The following CRYBG3 variants were observed in gnomAD, a reference collection of about 807,000 sequenced individuals.
The protein encoded by CRYBG3 is crystallin beta-gamma domain containing 3, also known as very large A-kinase anchor protein.
CRYBG3 carries 127 observed loss-of-function variants against 244.2 expected under a neutral mutation model. The ratio of observed to expected loss-of-function variants is 0.52; its 90% confidence interval spans 0.45 to 0.60. The LOEUF (loss-of-function observed/expected upper bound fraction) is 0.60, where lower values mean the gene tolerates loss of function less well. CRYBG3 is among the 20% of genes least tolerant of loss of function. CRYBG3 has a pLI of 0.00. For missense variants in CRYBG3, 3,325 were observed against 3,442.5 expected, an observed-to-expected ratio of 0.97 and a Z score of 0.85; for synonymous variants, 1,132 against 1,195.8, an observed-to-expected ratio of 0.95 and a Z score of 1.10.
chr3:97,943,335 A>G lies in CRYBG3; in HGVS notation c.*21A>G. On this transcript the variant is annotated 3_prime_UTR_variant, in exon 22 of 22. Transcript: ENST00000389622. ...TGTGAGAGAATCAACATCCCTAGAA[A>G]GATCCCTAGAAAGAGCAAAGAAGGA... The G allele has an allele frequency of 7.3e-7, 1 of 1,368,798 alleles. No homozygotes were observed. Among genetic ancestry groups the G allele is most frequent in the South Asian group, 1.2e-5 (1 of 84,320 alleles). 84.8% of individuals were successfully genotyped at this position (1,368,798 alleles called of 1,614,324 possible).
At position 97,881,355 on chromosome 3, in the gene CRYBG3, C is replaced by A. The variant is rs115907705; in HGVS notation, c.7152+136C>A. 2,266 of 555,402 alleles carry A rather than the reference C, an allele frequency of 4.1e-3. 29 individuals carry two copies. Among genetic ancestry groups the A allele is most frequent in the African/African-American group, 0.04 (2,015 of 50,894 alleles). 34.4% of individuals were successfully genotyped at this position (555,402 alleles called of 1,614,324 possible). On this transcript the variant is annotated intron_variant, in intron 7 of 21. Transcript: ENST00000389622. The stretch of plus-strand genomic sequence containing the variant: ...TAATCTTCATTACCATATTGATAAT[C>A]TTTTGAATTTATGCAAATAGAGTGA...
At chr3:97,892,718 C>A (rs2039594414) in intron 10 of CRYBG3, 142 bp from the exon 11 acceptor site, 3 of 499,504 alleles carry the variant, frequency 6.0e-6, no homozygotes, top group African/African-American at 2.0e-5. Context: ...TTGTAATACA[C>A]CTTTTCCATG....
rs1371358785 is a variant in CRYBG3, at chr3:97,822,271, G to A, written c.65G>A (p.Arg22Gln). The stretch of plus-strand genomic sequence containing the variant: ...AGCTTCTCCCGGTTCTTCGCTCCCC[G>A]AAGTCCTTCCCGGGACAAGGAAGAG... Reference protein sequence around the residue: ...WHSFSRFFAPRSPSRDKEEEE... With the variant: ...WHSFSRFFAPQSPSRDKEEEE... The change falls in exon 1 of 22, where the codon CGA becomes CAA. Residue 22 changes from arginine to glutamine, a missense_variant. Physicochemically the swap from Arg to Gln is conservative, Grantham distance 43. Transcript: ENST00000389622. The A allele has an allele frequency of 6.5e-7, 1 of 1,530,838 alleles. No homozygotes were observed. The highest frequency in any genetic ancestry group is 8.7e-7 in the Non-Finnish European group (1 of 1,144,750). 94.8% of individuals were successfully genotyped at this position (1,530,838 alleles called of 1,614,324 possible). A position where few individuals can be genotyped will look rare whatever the true frequency, so the allele number is the denominator to read the frequency against.
chr3:97,900,553 A>G (rs945444887), intron 15 of CRYBG3, 68 bp downstream of exon 15: 8 of 986,612 alleles, frequency 8.1e-6, no homozygotes, highest in Non-Finnish European at 1.1e-5. Flanking sequence ...TTTCTCTCAA[A>G]TCTTTCTCTT....
chr3:97,845,692 T>C (rs1438185920), intron 2 of CRYBG3, among the ~76,000 whole-genome samples: 3 of 152,186 alleles, frequency 2.0e-5, no homozygotes, highest in Admixed American at 6.5e-5. Flanking sequence ...GACTACAACA[T>C]GTGCAGTGGT....
At chr3:97,852,935 G>A (rs998101437) in intron 2 of CRYBG3, among the ~76,000 whole-genome samples, 2 of 152,098 alleles carry the variant, frequency 1.3e-5, no homozygotes, top group Non-Finnish European at 2.9e-5. Context: ...GCAATGTTGA[G>A]CATTTTTCAT....
intron 1 of CRYBG3, among the ~76,000 whole-genome samples, chr3:97,841,752 C>CAA (rs1206824568): frequency 6.6e-6 from 1 of 152,056 alleles, no homozygotes. Context: ...GAAGACTTCC[C>CAA]ACTGCATGTA....
chr3:97,940,358 A>C (rs2040213596), intron 19 of CRYBG3, among the ~76,000 whole-genome samples: 1 of 152,028 alleles, frequency 6.6e-6, no homozygotes, highest in African/African-American at 2.4e-5. Context: ...TGTTCACCTT[A>C]TTTGTAAAAC....
rs2039374064 is a variant in CRYBG3 at position 97,876,505 on chromosome 3, A to G, written c.5311A>G (p.Lys1771Glu). 2 of 1,232,110 alleles carry G rather than the reference A, an allele frequency of 1.6e-6. No individual in the cohort carries two copies. Among genetic ancestry groups the G allele is most frequent in the Admixed American group, 8.4e-5 (2 of 23,710 alleles). 76.3% of individuals were successfully genotyped at this position (1,232,110 alleles called of 1,614,324 possible). ...AGTAAATACTTACCAAAAAAATGCC[A>G]AAGGTTTTACCGGGAACACTGAAGG... is the stretch of plus-strand genomic sequence containing the variant. ...EVVNTYQKNAKGFTGNTEGSV... is the reference protein window; with the variant it reads ...EVVNTYQKNAEGFTGNTEGSV... The change falls in exon 4 of 22, where the codon AAA becomes GAA. Residue 1771 changes from lysine to glutamate, a missense_variant. Transcript: ENST00000389622.
chr3:97,877,902 T>C lies in CRYBG3; in HGVS notation c.6708T>C (p.Ala2236=). The change falls in exon 4 of 22, where the codon GCT becomes GCC. Residue 2236 remains alanine, a synonymous_variant. Transcript: ENST00000389622. ...TSKLHSSLKS[A]YHQYLQTSQS... Reference sequence around the variant, plus strand: ...AACTACATTCTTCTTTAAAGAGTGCTTATCATCAGTATCTGCAGACTTCCC... The same window carrying C: ...AACTACATTCTTCTTTAAAGAGTGCCTATCATCAGTATCTGCAGACTTCCC... The C allele has an allele frequency of 6.2e-7, 1 of 1,614,144 alleles. No individual in the cohort carries two copies. Among genetic ancestry groups the C allele is most frequent in the African/African-American group, 1.3e-5 (1 of 75,038 alleles).
intron 2 of CRYBG3, among the ~76,000 whole-genome samples, chr3:97,852,963 G>A (rs182709356): frequency 1.3e-5 from 2 of 152,220 alleles, no homozygotes; most frequent in Admixed American, 6.5e-5. Flanking sequence ...TTGACTATTT[G>A]TGTGTCATCT....
chr3:97,904,386 GAT>G (rs759922651), intron 15 of CRYBG3, among the ~76,000 whole-genome samples: 4 of 152,102 alleles, frequency 2.6e-5, no homozygotes, highest in Non-Finnish European at 4.4e-5. Context: ...CAAATCAAGA[GAT>G]ACTTTATAAC....
intron 12 of CRYBG3, among the ~76,000 whole-genome samples, chr3:97,898,609 G>A (rs560403502): frequency 6.6e-6 from 1 of 152,204 alleles, no homozygotes; most frequent in Admixed American, 6.5e-5. Flanking sequence ...AATGTTGCTT[G>A]TGATAGCCTA....
At chr3:97,928,895 G>A (rs2040068270) in intron 17 of CRYBG3, among the ~76,000 whole-genome samples, 1 of 151,950 alleles carries the variant, frequency 6.6e-6, no homozygotes. Context: ...TCTATGGATG[G>A]ATACAGATAT....
At chr3:97,841,621 A>G (rs9865499) in intron 1 of CRYBG3, among the ~76,000 whole-genome samples, 106,415 of 151,880 alleles carry the variant, frequency 0.7, 39,215 homozygotes, top group East Asian at 0.82. Context: ...GCTTTGGGAC[A>G]GCCTTTATTT....
chr3:97,832,583 G>T (rs890123408), intron 1 of CRYBG3, among the ~76,000 whole-genome samples: 2 of 152,064 alleles, frequency 1.3e-5, no homozygotes, highest in Non-Finnish European at 2.9e-5. Context: ...ATGGATTAAA[G>T]ACTTAAATGT....
chr3:97,926,503 C>T (rs924301241), intron 17 of CRYBG3, among the ~76,000 whole-genome samples: 6 of 151,904 alleles, frequency 3.9e-5, no homozygotes, highest in Non-Finnish European at 7.4e-5. Context: ...CCCTTGAAAA[C>T]TGGAACAGGA....
chr3:97,875,491 CAT>C lies in CRYBG3; in HGVS notation c.4299_4300del (p.His1433GlnfsTer5). On this transcript the variant is annotated frameshift_variant, in exon 4 of 22. Coordinates refer to ENST00000389622, the MANE Select transcript of CRYBG3 (RefSeq NM_153605.4). LOFTEE classifies it high-confidence loss of function. The part of the protein sequence containing the change: ...DTVLLAEDMS[H>X]KRLDDRVKTH... Reference sequence around the variant, plus strand: ...GGTTTTACTAGCTGAAGACATGTCACATAAACGGTTAGATGATAGGGTAAAAA... The same window carrying C: ...GGTTTTACTAGCTGAAGACATGTCACAAACGGTTAGATGATAGGGTAAAAA... 1 of 1,297,424 alleles carries C rather than the reference CAT, an allele frequency of 7.7e-7. No homozygotes were observed. Among genetic ancestry groups the C allele is most frequent in the Non-Finnish European group, 9.7e-7 (1 of 1,028,980 alleles). The allele number at this position is 1,297,424 out of a possible 1,614,324, so 80.4% of individuals were successfully genotyped here.
At chr3:97,936,462 A>G (rs1040774121) in intron 18 of CRYBG3, among the ~76,000 whole-genome samples, 2 of 152,050 alleles carry the variant, frequency 1.3e-5, no homozygotes, top group African/African-American at 4.8e-5. Flanking sequence ...CTGCTGGTTA[A>G]TAGGAGGTTA....
Sources: allele counts gnomAD v4.1 joint callset (sites outside exome capture counted in the v4.1 genomes callset), GRCh38; gene constraint gnomAD v4.1.1; transcripts MANE v1.5; gene names NCBI Gene and HGNC (gene_info 2026-07-23, HGNC 2026-07-21).